PCDHGA4: variants seen among roughly 807,000 people sequenced by gnomAD.
PCDHGA4 encodes protocadherin gamma subfamily A, 4, also known as protocadherin gamma-A4.
In PCDHGA4, 38 loss-of-function variants were observed where a neutral mutation model predicts 54.6. The observed-to-expected ratio is 0.70, with a 90% CI of 0.54 to 0.91. The LOEUF is 0.91. PCDHGA4 is among the 40% of genes least tolerant of loss of function. The pLI is 0.00. For synonymous variants in PCDHGA4, 511 were observed against 512.9 expected (o/e 1.00, Z 0.05); for missense variants, 1,298 against 1,220.9 (o/e 1.06, Z -0.94).
At chr5:141,445,573 A>G (rs1311326050) in intron 1 of PCDHGA4, among the ~76,000 whole-genome samples, 1 of 152,248 alleles carries the variant, frequency 6.6e-6, no homozygotes, top group Admixed American at 6.5e-5. Flanking sequence ...AGCTTATAGT[A>G]GGGAAGCTTC....
chr5:141,370,811 G>A (rs367716692), intron 1 of PCDHGA4: 14 of 1,613,898 alleles, frequency 8.7e-6, no homozygotes, highest in Non-Finnish European at 1.2e-5. Context: ...ATATCACTGA[G>A]CTGGAAATCA....
chr5:141,406,390 ATTC>A (rs2094804697), intron 1 of PCDHGA4, among the ~76,000 whole-genome samples: 1 of 152,172 alleles, frequency 6.6e-6, no homozygotes, highest in Non-Finnish European at 1.5e-5. Flanking sequence ...AGGTAAATGT[ATTC>A]TTCTTAGAGA....
intron 1 of PCDHGA4, chr5:141,376,543 T>C: frequency 1.2e-6 from 2 of 1,613,014 alleles, no homozygotes. Flanking sequence ...AAGAGTAATC[T>C]GATCTTCCCG....
chr5:141,509,067 C>T (rs987332283), intron 3 of PCDHGA4, among the ~76,000 whole-genome samples: 1 of 152,132 alleles, frequency 6.6e-6, no homozygotes, highest in African/African-American at 2.4e-5. Flanking sequence ...CTCTCAGCTC[C>T]GGGGATTTGC....
At chr5:141,409,201 AATC>A (rs1377420843) in intron 1 of PCDHGA4, 1 of 1,614,044 alleles carries the variant, frequency 6.2e-7, no homozygotes, top group Non-Finnish European at 8.5e-7. Context: ...AGTGTAAAGT[AATC>A]ATAGAAATCC....
chr5:141,395,152 T>C (rs1324313583), intron 1 of PCDHGA4: 1 of 1,614,196 alleles, frequency 6.2e-7, no homozygotes, highest in African/African-American at 1.3e-5. Context: ...GACATGCTCA[T>C]CAGTCAGGAG....
At position 141,487,030 on chromosome 5, in the gene PCDHGA4, T is replaced by C. The variant is rs773121109; in HGVS notation, c.2515-7777T>C. Reference sequence around the variant, plus strand: ...TGGAGGCCCCAGATCCCAGCCTGTTTGCAGTCTCTCGATATGCTGGGGAGG... The same window carrying C: ...TGGAGGCCCCAGATCCCAGCCTGTTCGCAGTCTCTCGATATGCTGGGGAGG... On this transcript the variant is annotated intron_variant, in intron 1 of 3. Coordinates refer to ENST00000571252, the MANE Select transcript of PCDHGA4 (RefSeq NM_018917.4). The surrounding 1 kb of genome is among the most constrained non-coding windows in gnomAD (Gnocchi z 5.0). 12 of 1,614,100 alleles carry C rather than the reference T, an allele frequency of 7.4e-6. No homozygotes were observed. Among genetic ancestry groups the C allele is most frequent in the Non-Finnish European group, 1.0e-5 (12 of 1,180,044 alleles).
At position 141,512,765 on chromosome 5, in the gene PCDHGA4, G is replaced by C. The variant is rs988707269; in HGVS notation, c.*1592G>C. 1 of 152,668 alleles carries C rather than the reference G, an allele frequency of 6.6e-6. No individual in the cohort carries two copies. The highest frequency in any genetic ancestry group is 1.5e-5 in the Non-Finnish European group (1 of 68,460). The allele number at this position is 152,668 out of a possible 1,614,324, so 9.5% of individuals were successfully genotyped here. On this transcript the variant is annotated 3_prime_UTR_variant, in exon 4 of 4. Transcript: ENST00000571252. ...CCGCGCAGCCGTCTGTCCTTGATCT[G>C]CCCGCGGCGGCCCGTGTTGTGTTTT...
rs1772581943 is a variant in PCDHGA4, at chr5:141,376,341, A to G, written c.2514+18720A>G. 2 of 1,614,152 alleles carry G rather than the reference A, an allele frequency of 1.2e-6. No individual in the cohort carries two copies. The highest frequency in any genetic ancestry group is 1.7e-6 in the Non-Finnish European group (2 of 1,180,032). Reference sequence around the variant, plus strand: ...GGGGTTCGGGCTTTCCTGCAGACCTATTCCCACGAGGTCTCACTCACTGCA... The same window carrying G: ...GGGGTTCGGGCTTTCCTGCAGACCTGTTCCCACGAGGTCTCACTCACTGCA... On this transcript the variant is annotated intron_variant, in intron 1 of 3. Coordinates refer to ENST00000571252, the MANE Select transcript of PCDHGA4 (RefSeq NM_018917.4).
Position 141,356,596 on chromosome 5 carries a change from C to T in PCDHGA4, c.1489C>T (p.Pro497Ser), listed in dbSNP as rs1274610162. Residue 497 changes from proline (P) to serine (S), a missense_variant, in exon 1 of 4, where the codon CCC becomes TCC. Transcript: ENST00000571252. ...SYSAYIPENN[P>S]RGASILSMTA... ...CTCTGCTTACATTCCTGAAAACAAC[C>T]CCAGAGGAGCCTCCATCTTATCTAT... The T allele has an allele frequency of 6.2e-7, 1 of 1,614,026 alleles. No homozygotes were observed. The highest frequency in any genetic ancestry group is 8.5e-7 in the Non-Finnish European group (1 of 1,180,030).
chr5:141,423,332 C>G, intron 1 of PCDHGA4: 2 of 1,614,198 alleles, frequency 1.2e-6, no homozygotes, highest in Non-Finnish European at 1.7e-6. Flanking sequence ...GCCGCAGTCT[C>G]CTGCATCTTC....
At chr5:141,398,675 A>C (rs1462726875) in intron 1 of PCDHGA4, 1 of 1,613,974 alleles carries the variant, frequency 6.2e-7, no homozygotes, top group Non-Finnish European at 8.5e-7. Flanking sequence ...TTAATAATTA[A>C]GGAGAAACAG....
At chr5:141,395,105 G>A in intron 1 of PCDHGA4, 1 of 1,614,220 alleles carries the variant, frequency 6.2e-7, no homozygotes, top group East Asian at 2.2e-5. Context: ...CCGACTCGCG[G>A]AAGAGTCACC....
At chr5:141,430,986 C>G (rs549700048) in intron 1 of PCDHGA4, 1 of 1,613,762 alleles carries the variant, frequency 6.2e-7, no homozygotes, top group African/African-American at 1.3e-5. Context: ...CAGCTTTTCG[C>G]CCTGAATCCG....
chr5:141,391,964 A>G (rs917564747), intron 1 of PCDHGA4: 3 of 152,232 alleles, frequency 2.0e-5, no homozygotes, highest in Non-Finnish European at 2.9e-5. Flanking sequence ...AAACAATGTA[A>G]ATAAAATAGC....
chr5:141,355,137 T>C lies in PCDHGA4; in HGVS notation c.30T>C (p.Pro10=). The stretch of plus-strand genomic sequence containing the variant: ...ACTTTATTTTGGACCCAGAAGATCC[T>C]GGGGCTCCTCAGGCCTCGACAGAGG... MHFILDPED[P]GAPQASTEGK... The change falls in exon 1 of 4, where the codon CCT becomes CCC. Residue 10 remains proline, a synonymous_variant. Coordinates refer to ENST00000571252, the MANE Select transcript of PCDHGA4 (RefSeq NM_018917.4). 6.6e-7 allele frequency: 1 copy of C among 1,524,866 alleles called. No homozygotes were observed. The highest frequency in any genetic ancestry group is 8.8e-7 in the Non-Finnish European group (1 of 1,139,870). 94.5% of individuals were successfully genotyped at this position (1,524,866 alleles called of 1,614,324 possible).
chr5:141,477,052 C>T lies in PCDHGA4; in HGVS notation c.2515-17755C>T. On this transcript the variant is annotated intron_variant, in intron 1 of 3. Coordinates refer to ENST00000571252, the MANE Select transcript of PCDHGA4 (RefSeq NM_018917.4). The surrounding 1 kb of genome is among the most constrained non-coding windows in gnomAD (Gnocchi z 4.9). ...TGACAATCAAGGGTCGGCTGGACTT[C>T]GAGGACACCAAACTCCATGAGATTT... 1.2e-6 allele frequency: 2 copies of T among 1,614,240 alleles called. No individual in the cohort carries two copies. The highest frequency in any genetic ancestry group is 1.7e-6 in the Non-Finnish European group (2 of 1,180,032).
intron 1 of PCDHGA4, chr5:141,382,974 A>G: frequency 6.2e-7 from 1 of 1,610,398 alleles, no homozygotes; most frequent in Non-Finnish European, 8.5e-7. Flanking sequence ...CCCCCTGGGA[A>G]GCCTGGGCAG....
intron 1 of PCDHGA4, among the ~76,000 whole-genome samples, chr5:141,460,369 T>C (rs1048970945): frequency 2.1e-4 from 32 of 152,322 alleles, no homozygotes; most frequent in African/African-American, 7.7e-4. Flanking sequence ...AGTTTTATAG[T>C]TTTACCATTT....
Sources: gnomAD v4.1 joint callset for allele counts (sites outside exome capture counted in the v4.1 genomes callset) on GRCh38, gnomAD v4.1.1 for gene constraint, Gnocchi (gnomAD v3.1) non-coding constraint, MANE v1.5 for transcripts, NCBI Gene and HGNC (gene_info 2026-07-23, HGNC 2026-07-21) for gene names.